TMEM45A: variants seen among roughly 807,000 people sequenced by gnomAD.
TMEM45A encodes DNA polymerase-transactivated protein 4.
A neutral mutation model predicts 32.0 loss-of-function variants in TMEM45A; 25 were observed. The ratio of observed to expected loss-of-function variants is 0.78; its 90% CI spans 0.57 to 1.09. The LOEUF is 1.09. Among genes scored for constraint, TMEM45A ranks in the 50% least tolerant of loss-of-function variants. The pLI, the probability that TMEM45A is intolerant of heterozygous loss-of-function variation, is 0.00. For missense variants in TMEM45A, 302 were observed against 325.0 expected, an observed-to-expected ratio of 0.93 and a Z score of 0.54; for synonymous variants, 122 against 114.8, an observed-to-expected ratio of 1.06 and a Z score of -0.40.
At chr3:100,493,698 T>C (rs1707883620) in intron 1 of TMEM45A, among the ~76,000 whole-genome samples, 1 of 152,154 alleles carries the variant, frequency 6.6e-6, no homozygotes, top group Admixed American at 6.5e-5. Flanking sequence ...TATAGTATAC[T>C]CTATATACGC....
intron 1 of TMEM45A, among the ~76,000 whole-genome samples, chr3:100,499,675 G>A (rs963297960): frequency 1.3e-5 from 2 of 152,108 alleles, no homozygotes; most frequent in African/African-American, 2.4e-5. Context: ...CCAGGAGTTC[G>A]AGACCAGCCT....
intron 5 of TMEM45A, among the ~76,000 whole-genome samples, chr3:100,575,632 C>T (rs1174412698): frequency 6.6e-6 from 1 of 152,170 alleles, no homozygotes; most frequent in Non-Finnish European, 1.5e-5. Context: ...TTGCCTCCCA[C>T]AGTGCTGGGA....
chr3:100,571,860 T>C (rs1371400924), intron 5 of TMEM45A: 1 of 152,220 alleles, frequency 6.6e-6, no homozygotes, highest in Admixed American at 6.5e-5. Context: ...TTTGGTTTTT[T>C]GTTCTTGCGA....
In TMEM45A at chr3:100,519,507, C is replaced by T. The variant is rs567654508; in HGVS notation, c.-4+26579C>T. 38 of 1,534,394 alleles carry T rather than the reference C, an allele frequency of 2.5e-5. No individual in the cohort carries two copies. In the East Asian group the frequency reaches 7.1e-4, roughly 29 times the overall value. ...AGAAGCAAAGGCTCAATTTTGGCTG[C>T]TTCATTCTTATCTCTTCTGCCACAG... On this transcript the variant is annotated intron_variant, in intron 1 of 5. Coordinates refer to ENST00000323523, the MANE Select transcript of TMEM45A (RefSeq NM_018004.3).
At chr3:100,541,765 G>A (rs981955930) in intron 1 of TMEM45A, among the ~76,000 whole-genome samples, 5 of 151,884 alleles carry the variant, frequency 3.3e-5, no homozygotes, top group African/African-American at 9.7e-5. Context: ...TCCTGGGCTC[G>A]AGCAGTCTGC....
intron 4 of TMEM45A, among the ~76,000 whole-genome samples, chr3:100,559,557 C>A (rs1232224437): frequency 6.6e-6 from 1 of 152,006 alleles, no homozygotes; most frequent in East Asian, 1.9e-4. Context: ...TAGAAAAAAG[C>A]TAACAAATAC....
At chr3:100,493,972 T>A (rs1221259392) in intron 1 of TMEM45A, among the ~76,000 whole-genome samples, 1 of 152,222 alleles carries the variant, frequency 6.6e-6, no homozygotes, top group Non-Finnish European at 1.5e-5. Flanking sequence ...CCTCAGGTTA[T>A]GTGCCTCCCT....
intron 1 of TMEM45A, among the ~76,000 whole-genome samples, chr3:100,544,356 A>G (rs111992431): frequency 1.7e-3 from 256 of 152,334 alleles, no homozygotes; most frequent in African/African-American, 5.6e-3. Flanking sequence ...CTTCTTTTCA[A>G]TCAGCTTTAC....
intron 1 of TMEM45A, among the ~76,000 whole-genome samples, chr3:100,505,866 A>G (rs2148930767): frequency 6.6e-6 from 1 of 152,348 alleles, no homozygotes; most frequent in East Asian, 1.9e-4. Flanking sequence ...GCTGAGACTC[A>G]GGGAAAGGAA....
intron 1 of TMEM45A, among the ~76,000 whole-genome samples, chr3:100,554,084 G>A (rs1393324957): frequency 2.0e-5 from 3 of 152,168 alleles, no homozygotes; most frequent in Admixed American, 1.3e-4. Context: ...GATCCACAAG[G>A]GTGATTCTGG....
intron 3 of TMEM45A, among the ~76,000 whole-genome samples, 177 bp downstream of exon 3, chr3:100,557,149 C>T (rs187980868): frequency 9.7e-4 from 148 of 152,340 alleles, no homozygotes; most frequent in Non-Finnish European, 1.8e-3. Flanking sequence ...ACATGCTGTA[C>T]TGACTCATTT....
chr3:100,502,629 G>A (rs1226101780), intron 1 of TMEM45A, among the ~76,000 whole-genome samples: 1 of 152,096 alleles, frequency 6.6e-6, no homozygotes, highest in African/African-American at 2.4e-5. Context: ...ACTGTGCCCA[G>A]CTAACTTAAT....
intron 1 of TMEM45A, among the ~76,000 whole-genome samples, chr3:100,509,835 C>T (rs6798264): frequency 0.2 from 29,689 of 152,110 alleles, 3,087 homozygotes; most frequent in Admixed American, 0.28. Context: ...ACTTCCCTTT[C>T]CTAGTCAAAG....
In TMEM45A at chr3:100,555,246, C is replaced by A. The variant is rs200878698; in HGVS notation, c.35C>A (p.Thr12Asn). 480 of 1,610,338 alleles carry A rather than the reference C, an allele frequency of 3.0e-4. No individual in the cohort carries two copies. The highest frequency in any genetic ancestry group is 3.9e-4 in the Non-Finnish European group (458 of 1,178,280). Residue 12 changes from threonine to asparagine, a missense_variant, in exon 2 of 6, where the codon ACC becomes AAC. Transcript: ENST00000323523. ...TTCAGAGGTCATGCCCTCCCTGGAACCTTCTTTTTTATTATTGGTCTTTGG... is the reference window on the plus strand; with the variant it reads ...TTCAGAGGTCATGCCCTCCCTGGAAACTTCTTTTTTATTATTGGTCTTTGG... Reference protein sequence around the residue: ...GNFRGHALPGTFFFIIGLWWC... With the variant: ...GNFRGHALPGNFFFIIGLWWC...
At chr3:100,569,480 T>G (rs1706513918) in intron 5 of TMEM45A, among the ~76,000 whole-genome samples, 1 of 152,218 alleles carries the variant, frequency 6.6e-6, no homozygotes, top group Non-Finnish European at 1.5e-5. Context: ...CAGTATAATG[T>G]TCCATAGGTG....
intron 1 of TMEM45A, among the ~76,000 whole-genome samples, chr3:100,496,695 A>C (rs1027180521): frequency 6.6e-6 from 1 of 152,214 alleles, no homozygotes; most frequent in Non-Finnish European, 1.5e-5. Context: ...TGTGGATCTC[A>C]TTGCAGGCAT....
chr3:100,506,186 A>G (rs995521832), intron 1 of TMEM45A, among the ~76,000 whole-genome samples: 1 of 152,224 alleles, frequency 6.6e-6, no homozygotes, highest in Admixed American at 6.5e-5. Flanking sequence ...TCCACAGGGT[A>G]TTGGTAGAAC....
At chr3:100,521,922 T>C (rs185790385) in intron 1 of TMEM45A, among the ~76,000 whole-genome samples, 3 of 152,340 alleles carry the variant, frequency 2.0e-5, no homozygotes, top group Admixed American at 2.0e-4. Context: ...ATACGTTTGC[T>C]TGTTGTTTCA....
intron 1 of TMEM45A, among the ~76,000 whole-genome samples, chr3:100,546,121 G>GCTC (rs1485147532): frequency 2.0e-5 from 3 of 152,162 alleles, no homozygotes; most frequent in African/African-American, 7.2e-5. Flanking sequence ...CCAAGGAATG[G>GCTC]AGGTGGCTTC....
Sources: gnomAD v4.1 joint callset for allele counts (sites outside exome capture counted in the v4.1 genomes callset) on GRCh38, gnomAD v4.1.1 for gene constraint, MANE v1.5 for transcripts, NCBI Gene and HGNC (gene_info 2026-07-23, HGNC 2026-07-21) for gene names.